Variants in CACNA1D observed in about 807,000 individuals in gnomAD.
CACNA1D encodes calcium voltage-gated channel subunit alpha1 D, also known as voltage-dependent L-type calcium channel subunit alpha-1D.
Under a neutral mutation model 257.1 loss-of-function variants are expected in CACNA1D, and 55 were observed. The ratio of observed to expected loss-of-function variants is 0.21; its 90% CI spans 0.17 to 0.27. The LOEUF (loss-of-function observed/expected upper bound fraction) is 0.27. CACNA1D is among the 10% of genes least tolerant of loss of function. The pLI, the probability that CACNA1D is intolerant of heterozygous loss-of-function variation, is 1.00. For missense variants in CACNA1D, 1,876 were observed against 2,784.0 expected, an observed-to-expected ratio of 0.67 and a Z score of 7.34; for synonymous variants, 980 against 1,014.9, an observed-to-expected ratio of 0.97 and a Z score of 0.65.
At chr3:53,627,849 C>T (rs954285391) in intron 3 of CACNA1D, among the ~76,000 whole-genome samples, 3 of 151,966 alleles carry the variant, frequency 2.0e-5, no homozygotes, top group Admixed American at 6.6e-5. Flanking sequence ...CCCATCTCTA[C>T]TAAAAATACA....
chr3:53,723,379 C>CA lies in CACNA1D; in HGVS notation c.1667-54dup. 2 of 1,281,886 alleles carry CA rather than the reference C, an allele frequency of 1.6e-6. No homozygotes were observed. The highest frequency in any genetic ancestry group is 2.3e-6 in the Non-Finnish European group (2 of 876,864). The allele number at this position is 1,281,886 out of a possible 1,614,324, so 79.4% of individuals were successfully genotyped here. On this transcript the variant is annotated intron_variant, in intron 12 of 47. Transcript: ENST00000350061. The surrounding 1 kb of genome is among the most constrained non-coding windows in gnomAD (Gnocchi z 5.6). ...GGGAGGGAGGTGTGAGGGGCACGAGCAGTCTGAGTGTCTTGCAGGAGACCC... is the reference window on the plus strand; with the variant it reads ...GGGAGGGAGGTGTGAGGGGCACGAGCAAGTCTGAGTGTCTTGCAGGAGACCC...
intron 3 of CACNA1D, among the ~76,000 whole-genome samples, chr3:53,633,611 C>T (rs1004354793): frequency 7.9e-5 from 12 of 152,274 alleles, no homozygotes; most frequent in African/African-American, 2.9e-4. Flanking sequence ...TCATCCAGCT[C>T]AATTTCAGCT....
intron 3 of CACNA1D, among the ~76,000 whole-genome samples, chr3:53,581,946 G>GCATAA (rs2093139881): frequency 1.3e-5 from 2 of 152,154 alleles, no homozygotes; most frequent in Admixed American, 1.3e-4. Flanking sequence ...TCCAGTGGAG[G>GCATAA]CTTTGGACTG....
chr3:53,680,483 C>T (rs986806255), intron 8 of CACNA1D, among the ~76,000 whole-genome samples: 5 of 152,146 alleles, frequency 3.3e-5, no homozygotes, highest in Non-Finnish European at 7.3e-5. Context: ...GCAGTTCCCC[C>T]TCCACCTGTG....
intron 9 of CACNA1D, among the ~76,000 whole-genome samples, chr3:53,706,963 C>T (rs369211251): frequency 6.6e-6 from 1 of 152,076 alleles, no homozygotes; most frequent in Non-Finnish European, 1.5e-5. Context: ...GGACCATTGC[C>T]CTGTGCTTTT....
At chr3:53,777,448 G>A (rs1038539543) in intron 37 of CACNA1D, among the ~76,000 whole-genome samples, 1 of 152,214 alleles carries the variant, frequency 6.6e-6, no homozygotes, top group African/African-American at 2.4e-5. Context: ...TGGCAATGGA[G>A]AAGTAGACCT....
intron 3 of CACNA1D, among the ~76,000 whole-genome samples, chr3:53,571,166 G>T (rs976999616): frequency 6.6e-6 from 1 of 152,158 alleles, no homozygotes; most frequent in Non-Finnish European, 1.5e-5. Context: ...CGTTTGTTGT[G>T]GGGAAGTATC....
intron 8 of CACNA1D, among the ~76,000 whole-genome samples, chr3:53,695,788 C>CCATTTTCTTCTTATTTT (rs2094567943): frequency 6.6e-6 from 1 of 152,160 alleles, no homozygotes; most frequent in Non-Finnish European, 1.5e-5. Context: ...TTCCTCAGCA[C>CCATTTTCTTCTTATTTT]CATTTTCTTC....
chr3:53,731,208 A>G lies in CACNA1D; in HGVS notation c.2406+62A>G, dbSNP rs576801493. Reference sequence around the variant, plus strand: ...AAAATGATCCTGTTGATCTCCATACATGTACCATTTACACTGTGGAAGTGT... The same window carrying G: ...AAAATGATCCTGTTGATCTCCATACGTGTACCATTTACACTGTGGAAGTGT... On this transcript the variant is annotated intron_variant, in intron 17 of 47. Coordinates refer to ENST00000350061, the MANE Select transcript of CACNA1D (RefSeq NM_001128840.3). 22 of 1,035,398 alleles carry G rather than the reference A, an allele frequency of 2.1e-5. No individual in the cohort carries two copies. In the East Asian group the frequency reaches 3.8e-4, roughly 18 times the overall value. 64.1% of individuals were successfully genotyped at this position (1,035,398 alleles called of 1,614,324 possible).
intron 3 of CACNA1D, among the ~76,000 whole-genome samples, chr3:53,556,805 T>C (rs984991208): frequency 6.6e-6 from 1 of 152,072 alleles, no homozygotes; most frequent in African/African-American, 2.4e-5. Context: ...AACTTCTGCC[T>C]CCTGGGTTCA....
rs140296416 is a variant in CACNA1D, at chr3:53,780,522, G to A, written c.4690+394G>A. Among the ~76,000 whole-genome samples the A allele has an allele frequency of 6.6e-3, 1,000 of 152,354 alleles. 13 individuals carry two copies. Among genetic ancestry groups the A allele is most frequent in the African/African-American group, 0.023 (945 of 41,590 alleles). On this transcript the variant is annotated intron_variant, in intron 38 of 47. Transcript: ENST00000350061. The stretch of plus-strand genomic sequence containing the variant: ...GCTGTAGTTTCTTTCCCTATGAAAA[G>A]GAAATACGGGGATGTCTAGGAGGTC...
Position 53,747,464 on chromosome 3 carries a change from A to G in CACNA1D, c.3314+16A>G. ...GCTGGCCTGCGTAAGTACAGGGAGCACACAGTCTTCTGGAGAGGCACCTGC... is the reference window on the plus strand; with the variant it reads ...GCTGGCCTGCGTAAGTACAGGGAGCGCACAGTCTTCTGGAGAGGCACCTGC... On this transcript the variant is annotated intron_variant, in intron 26 of 47. Coordinates refer to ENST00000350061, the MANE Select transcript of CACNA1D (RefSeq NM_001128840.3). 6.2e-7 allele frequency: 1 copy of G among 1,613,956 alleles called. No homozygotes were observed. Among genetic ancestry groups the G allele is most frequent in the Non-Finnish European group, 8.5e-7 (1 of 1,179,890 alleles).
chr3:53,688,199 G>A (rs1459262194), intron 8 of CACNA1D, among the ~76,000 whole-genome samples: 1 of 152,176 alleles, frequency 6.6e-6, no homozygotes, highest in Non-Finnish European at 1.5e-5. Flanking sequence ...CCACAGACTC[G>A]GCCTTGGGTG....
At chr3:53,788,056 G>A (rs372329801) in intron 40 of CACNA1D, among the ~76,000 whole-genome samples, 52 of 152,314 alleles carry the variant, frequency 3.4e-4, no homozygotes, top group African/African-American at 1.1e-3. Flanking sequence ...TGTGTTCAAA[G>A]TGATGGTAAC....
rs75573425 is a variant in CACNA1D at position 53,776,207 on chromosome 3, T to C, written c.4362+162T>C. 4.4e-3 allele frequency among the ~76,000 whole-genome samples: 664 copies of C among 152,334 alleles called. 6 individuals carry two copies. Among genetic ancestry groups the C allele is most frequent in the East Asian group, 0.037 (194 of 5,184 alleles). ...TTGAGGGCTTTTGTTTAACCAGGCG[T>C]GTGTCACTGCCGCCACCTTTGTAAG... On this transcript the variant is annotated intron_variant, in intron 35 of 47. Transcript: ENST00000350061.
At chr3:53,714,605 G>C (rs2094799151) in intron 9 of CACNA1D, among the ~76,000 whole-genome samples, 1 of 152,184 alleles carries the variant, frequency 6.6e-6, no homozygotes, top group Non-Finnish European at 1.5e-5. Flanking sequence ...AACCAGCACT[G>C]GTAGATAATA....
At chr3:53,672,575 A>G (rs1172102267) in intron 7 of CACNA1D, among the ~76,000 whole-genome samples, 1 of 152,228 alleles carries the variant, frequency 6.6e-6, no homozygotes, top group African/African-American at 2.4e-5. Flanking sequence ...TTAAACACAA[A>G]GTCTAAAATC....
chr3:53,806,921 A>G (rs1013689042), intron 45 of CACNA1D, among the ~76,000 whole-genome samples: 3 of 152,056 alleles, frequency 2.0e-5, no homozygotes, highest in African/African-American at 7.2e-5. Context: ...GCCTTTGTCT[A>G]CTGCCTACTT....
intron 30 of CACNA1D, chr3:53,766,319 G>A (rs1182611009): frequency 6.6e-6 from 1 of 152,192 alleles, no homozygotes; most frequent in Non-Finnish European, 1.5e-5. Flanking sequence ...TGGGCACTGG[G>A]TTGTGGACAC....
Sources: gnomAD v4.1 joint callset for allele counts (sites outside exome capture counted in the v4.1 genomes callset) on GRCh38, gnomAD v4.1.1 for gene constraint, Gnocchi (gnomAD v3.1) non-coding constraint, MANE v1.5 for transcripts, NCBI Gene and HGNC (gene_info 2026-07-23, HGNC 2026-07-21) for gene names.